The following DEDD2 variants were observed in gnomAD, a reference collection of about 807,000 sequenced individuals.
DEDD2 encodes death effector domain containing 2, also known as DNA-binding death effector domain-containing protein 2.
In DEDD2, 18 loss-of-function variants were observed where a neutral mutation model predicts 28.9. The ratio of observed to expected loss-of-function variants is 0.62; its 90% CI spans 0.43 to 0.92. The LOEUF is 0.92. DEDD2 is among the 40% of genes least tolerant of loss of function. DEDD2 has a pLI of 0.00. For missense variants in DEDD2, 411 were observed against 463.3 expected (o/e 0.89, Z 1.04); for synonymous variants, 211 against 206.1 (o/e 1.02, Z -0.20).
chr19:42,201,869 G>A (rs752487608), intron 4 of DEDD2: 2 of 397,042 alleles, frequency 5.0e-6, no homozygotes, highest in Non-Finnish European at 8.9e-6. Flanking sequence ...GTAAGCAACT[G>A]GCCATGACCT....
chr19:42,211,342 G>A (rs906474500), intron 3 of DEDD2, among the ~76,000 whole-genome samples: 2 of 150,324 alleles, frequency 1.3e-5, no homozygotes, highest in Admixed American at 6.7e-5. Context: ...CAGTGTTTGC[G>A]CCACTGGACT....
chr19:42,212,387 TTTTG>T (rs2035805548), intron 3 of DEDD2, among the ~76,000 whole-genome samples: 1 of 151,892 alleles, frequency 6.6e-6, no homozygotes, highest in Admixed American at 6.6e-5. Flanking sequence ...TTTGTGATGT[TTTTG>T]TTTCTTTGTT....
chr19:42,217,180 C>T lies in DEDD2; in HGVS notation c.-38-135G>A, dbSNP rs1183556188. On this transcript the variant is annotated intron_variant, in intron 1 of 4. Transcript: ENST00000596251. Reference sequence around the variant, plus strand: ...CACCCCCAACCGCCTCGGCCTCCCCCTCCCCCGGGAGGGAATGGTCCCGCC... The same window carrying T: ...CACCCCCAACCGCCTCGGCCTCCCCTTCCCCCGGGAGGGAATGGTCCCGCC... The T allele has an allele frequency of 4.5e-6, 3 of 668,866 alleles. No individual in the cohort carries two copies. The Admixed American group carries it at 8.8e-5, about 20-fold the overall frequency. 41.4% of individuals were successfully genotyped at this position (668,866 alleles called of 1,614,324 possible). A position where few individuals can be genotyped will look rare whatever the true frequency, so the allele number is the denominator to read the frequency against.
intron 4 of DEDD2, among the ~76,000 whole-genome samples, chr19:42,203,603 T>C (rs2035416369): frequency 6.6e-6 from 1 of 152,152 alleles, no homozygotes. Context: ...CACCTCTCTG[T>C]ACCTCGGTGG....
At chr19:42,205,290 A>G (rs538724027) in intron 4 of DEDD2, among the ~76,000 whole-genome samples, 1 of 152,334 alleles carries the variant, frequency 6.6e-6, no homozygotes, top group East Asian at 1.9e-4. Flanking sequence ...CACCGATCAG[A>G]TATTTGATAG....
intron 2 of DEDD2, among the ~76,000 whole-genome samples, chr19:42,215,993 C>T (rs2035951878): frequency 6.6e-6 from 1 of 152,154 alleles, no homozygotes; most frequent in South Asian, 2.1e-4. Context: ...TAGCTTGGGT[C>T]CCCTCTGCTC....
chr19:42,216,054 G>A (rs2035955027), intron 2 of DEDD2, among the ~76,000 whole-genome samples: 1 of 152,120 alleles, frequency 6.6e-6, no homozygotes, highest in South Asian at 2.1e-4. Flanking sequence ...CTCAGGCCTT[G>A]GATGCTCCCT....
intron 3 of DEDD2, among the ~76,000 whole-genome samples, chr19:42,211,069 CAAA>C (rs750942650): frequency 9.7e-5 from 5 of 51,718 alleles, no homozygotes; most frequent in Non-Finnish European, 7.8e-5. Flanking sequence ...GACCCTGTCT[CAAA>C]AAAAAAAAAA....
At chr19:42,207,187 G>C (rs1289047981) in intron 4 of DEDD2, among the ~76,000 whole-genome samples, 1 of 152,156 alleles carries the variant, frequency 6.6e-6, no homozygotes, top group East Asian at 1.9e-4. Flanking sequence ...AGCTGCCTGA[G>C]GACCCAGGGC....
upstream of DEDD2, chr19:42,217,714 C>T (rs947725441): frequency 2.0e-5 from 3 of 152,448 alleles, no homozygotes; most frequent in African/African-American, 7.2e-5. Context: ...TATTATTACG[C>T]CTGCGTCACC....
intron 3 of DEDD2, among the ~76,000 whole-genome samples, chr19:42,213,162 T>C (rs540698904): frequency 2.0e-4 from 30 of 152,084 alleles, no homozygotes; most frequent in African/African-American, 6.3e-4. Flanking sequence ...GGCTAGCCAG[T>C]TGGAACTGCA....
chr19:42,199,318 G>A lies in DEDD2; in HGVS notation c.*120C>T, dbSNP rs2035227156. 6.6e-6 allele frequency: 9 copies of A among 1,372,670 alleles called. No homozygotes were observed. Among genetic ancestry groups the A allele is most frequent in the African/African-American group, 2.9e-5 (2 of 68,446 alleles). 85.0% of individuals were successfully genotyped at this position (1,372,670 alleles called of 1,614,324 possible). ...GGGCTGTCAAGGGGCCTGCTGTCCC[G>A]GTCCTGTCGCAGTCCTCAAAGATGC... On this transcript the variant is annotated 3_prime_UTR_variant, in exon 5 of 5. Coordinates refer to ENST00000596251, the MANE Select transcript of DEDD2 (RefSeq NM_133328.4). The surrounding 1 kb of genome is among the most constrained non-coding windows in gnomAD (Gnocchi z 7.4).
chr19:42,209,825 T>C lies in DEDD2; in HGVS notation c.464A>G (p.Lys155Arg). Residue 155 changes from lysine (K) to arginine (R), a missense_variant, in exon 4 of 5, where the codon AAG (lysine) becomes AGG (arginine). Coordinates refer to ENST00000596251, the MANE Select transcript of DEDD2 (RefSeq NM_133328.4). ...CCGGCCCCGACTCCGCCGCTGCCGC[T>C]TGGTTGGGGGGGAGCCTGAGGGGAA... ...GQWETGSPPT[K>R]RQRRSRGRPS... is the part of the protein sequence containing the mutation. The C allele has an allele frequency of 6.5e-7, 1 of 1,547,952 alleles. No homozygotes were observed. Among genetic ancestry groups the C allele is most frequent in the Non-Finnish European group, 8.7e-7 (1 of 1,148,960 alleles).
intron 3 of DEDD2, among the ~76,000 whole-genome samples, chr19:42,213,454 A>T (rs1356204672): frequency 2.0e-5 from 3 of 152,196 alleles, no homozygotes; most frequent in Non-Finnish European, 4.4e-5. Flanking sequence ...TTCACAATGG[A>T]CAAACATGGC....
intron 4 of DEDD2, among the ~76,000 whole-genome samples, chr19:42,205,234 A>G (rs2035485074): frequency 6.6e-6 from 1 of 152,246 alleles, no homozygotes; most frequent in Non-Finnish European, 1.5e-5. Flanking sequence ...AGGGGAAAGG[A>G]GAGACTTCAG....
intron 3 of DEDD2, 44 bp downstream of exon 3, chr19:42,215,089 G>C (rs2035912297): frequency 6.2e-7 from 1 of 1,609,920 alleles, no homozygotes; most frequent in Non-Finnish European, 8.5e-7. Context: ...CAATTCATAA[G>C]GAAAAGAGGG....
intron 4 of DEDD2, among the ~76,000 whole-genome samples, chr19:42,200,975 C>T (rs1216272941): frequency 1.3e-5 from 2 of 152,196 alleles, no homozygotes; most frequent in Non-Finnish European, 2.9e-5. Context: ...TCTACACACC[C>T]AACGAGGCTG....
At chr19:42,201,039 C>T (rs1451052128) in intron 4 of DEDD2, among the ~76,000 whole-genome samples, 1 of 152,190 alleles carries the variant, frequency 6.6e-6, no homozygotes, top group Non-Finnish European at 1.5e-5. Flanking sequence ...TTACAGAGTG[C>T]CGACTATCTG....
intron 4 of DEDD2, among the ~76,000 whole-genome samples, chr19:42,200,055 G>A (rs977017224): frequency 6.6e-6 from 1 of 152,012 alleles, no homozygotes; most frequent in African/African-American, 2.4e-5. Context: ...CCACCGCCAG[G>A]GGTGCTCTTT....
Sources: gnomAD v4.1 joint callset for allele counts (sites outside exome capture counted in the v4.1 genomes callset) on GRCh38, gnomAD v4.1.1 for gene constraint, Gnocchi (gnomAD v3.1) non-coding constraint, MANE v1.5 for transcripts, NCBI Gene and HGNC (gene_info 2026-07-23, HGNC 2026-07-21) for gene names.